Variants in TNR observed in about 807,000 individuals in gnomAD.
TNR encodes tenascin-R.
TNR carries 45 observed loss-of-function variants against 150.4 expected under a neutral mutation model. The observed-to-expected ratio is 0.30, with a 90% CI of 0.24 to 0.38. TNR has a LOEUF of 0.38. TNR is among the 10% of genes least tolerant of loss of function. The pLI, the probability that TNR is intolerant of heterozygous loss-of-function variation, is 1.00. For synonymous variants in TNR, 687 were observed against 678.4 expected (o/e 1.01, Z -0.20); for missense variants, 1,544 against 1,759.1 (o/e 0.88, Z 2.19).
At position 175,330,168 on chromosome 1, in the gene TNR, G is replaced by A. The variant is rs748419058; in HGVS notation, c.3699C>T (p.Gly1233=). 2 of 1,613,508 alleles carry A rather than the reference G, an allele frequency of 1.2e-6. No individual in the cohort carries two copies. The highest frequency in any genetic ancestry group is 1.7e-6 in the Non-Finnish European group (2 of 1,179,496). ...CGTAGGAGGCGAAGGCGGCCTCTTG[G>A]CCATCCCGCATGTCCACGCGCAGCT... The part of the protein sequence containing the change: ...RYELRVDMRD[G]QEAAFASYDR... The change falls in exon 21 of 23, where the codon GGC becomes GGT. Residue 1233 remains glycine, a synonymous_variant. Transcript: ENST00000367674.
intron 2 of TNR, among the ~76,000 whole-genome samples, chr1:175,516,527 C>T (rs145405841): frequency 3.3e-5 from 5 of 152,232 alleles, no homozygotes; most frequent in East Asian, 1.9e-4. Context: ...CTCATGATAT[C>T]GCTCCCTGAC....
intron 2 of TNR, among the ~76,000 whole-genome samples, chr1:175,438,449 T>C (rs571717532): frequency 6.6e-6 from 1 of 152,230 alleles, no homozygotes; most frequent in South Asian, 2.1e-4. Flanking sequence ...ACTGGGAGCA[T>C]TCCCTTTGAA....
rs371257453 is a variant in TNR at position 175,354,361 on chromosome 1, G to A, written c.3382+30C>T. On this transcript the variant is annotated intron_variant, in intron 18 of 22. Transcript: ENST00000367674. Reference sequence around the variant, plus strand: ...GAGCCAAACATCAGGAAGTGGAGAAGAAGGCATCAAAGTGGCCATGCTCCC... The same window carrying A: ...GAGCCAAACATCAGGAAGTGGAGAAAAAGGCATCAAAGTGGCCATGCTCCC... 8 of 1,609,718 alleles carry A rather than the reference G, an allele frequency of 5.0e-6. No homozygotes were observed. The African/African-American group carries it at 9.4e-5, about 19-fold the overall frequency.
intron 2 of TNR, among the ~76,000 whole-genome samples, chr1:175,488,766 G>C (rs1200095010): frequency 2.0e-5 from 3 of 152,212 alleles, no homozygotes; most frequent in African/African-American, 7.2e-5. Context: ...ACTGTGAAAA[G>C]CTCATATATC....
Position 175,323,523 on chromosome 1 carries a change from ACGCCCCACTTC to A in TNR, c.3958-58_3958-48del, listed in dbSNP as rs1371262075. ...ATGTCAGGTCATCCCCCACCATGGA[ACGCCCCACTTC>A]AAAAAAGGGGTAATTATGGGAACAG... On this transcript the variant is annotated intron_variant, in intron 22 of 22. Coordinates refer to ENST00000367674, the MANE Select transcript of TNR (RefSeq NM_003285.3). 12 of 1,599,230 alleles carry A rather than the reference ACGCCCCACTTC, an allele frequency of 7.5e-6. No individual in the cohort carries two copies. The Admixed American group carries it at 1.2e-4, about 16-fold the overall frequency.
chr1:175,741,252 G>T (rs913448081), intron 1 of TNR, among the ~76,000 whole-genome samples: 4 of 152,176 alleles, frequency 2.6e-5, no homozygotes, highest in Non-Finnish European at 5.9e-5. Context: ...TTCTGCTTTC[G>T]CTATCCTCTG....
At chr1:175,377,446 G>A (rs1373742178) in intron 9 of TNR, among the ~76,000 whole-genome samples, 1 of 142,230 alleles carries the variant, frequency 7.0e-6, no homozygotes, top group East Asian at 2.1e-4. Context: ...GTTCCCTCCT[G>A]TATCATTTCA....
chr1:175,375,084 G>A (rs903423839), intron 9 of TNR, among the ~76,000 whole-genome samples: 5 of 151,952 alleles, frequency 3.3e-5, no homozygotes, highest in African/African-American at 1.2e-4. Context: ...GATTTTTTTC[G>A]CTAAATTGCA....
At chr1:175,650,587 A>G (rs1249596019) in intron 1 of TNR, among the ~76,000 whole-genome samples, 1 of 151,124 alleles carries the variant, frequency 6.6e-6, no homozygotes, top group Non-Finnish European at 1.5e-5. Flanking sequence ...TTGCCCCCAC[A>G]AGATTACTAA....
intron 1 of TNR, among the ~76,000 whole-genome samples, chr1:175,658,624 C>G (rs1665267969): frequency 6.6e-6 from 1 of 152,182 alleles, no homozygotes; most frequent in Non-Finnish European, 1.5e-5. Flanking sequence ...AGCTAATGCT[C>G]ATGATCTGGC....
At chr1:175,394,305 A>C (rs1335235618) in intron 5 of TNR, among the ~76,000 whole-genome samples, 1 of 152,194 alleles carries the variant, frequency 6.6e-6, no homozygotes, top group Admixed American at 6.5e-5. Flanking sequence ...AGGTACTATG[A>C]TGGCTTCTAT....
intron 1 of TNR, among the ~76,000 whole-genome samples, chr1:175,628,331 T>C (rs1443509938): frequency 6.6e-6 from 1 of 152,062 alleles, no homozygotes; most frequent in Non-Finnish European, 1.5e-5. Flanking sequence ...GTGGCTTAGA[T>C]AGTACTTTGC....
At position 175,425,927 on chromosome 1, in the gene TNR, G is replaced by A. The variant is rs192913170; in HGVS notation, c.-63-19150C>T. 3.7e-4 allele frequency among the ~76,000 whole-genome samples: 56 copies of A among 152,206 alleles called. No individual in the cohort carries two copies. The South Asian group carries it at 4.8e-3, about 13-fold the overall frequency. Reference sequence around the variant, plus strand: ...TGGTGCCTATGGCCTTGCATCATTGGGATAAGGCCAGGATTACAGACCTGG... The same window carrying A: ...TGGTGCCTATGGCCTTGCATCATTGAGATAAGGCCAGGATTACAGACCTGG... On this transcript the variant is annotated intron_variant, in intron 2 of 22. Coordinates refer to ENST00000367674, the MANE Select transcript of TNR (RefSeq NM_003285.3).
Position 175,396,595 on chromosome 1 carries a change from C to A in TNR, c.1189G>T (p.Ala397Ser). 1 of 1,614,238 alleles carries A rather than the reference C, an allele frequency of 6.2e-7. No individual in the cohort carries two copies. The highest frequency in any genetic ancestry group is 8.5e-7 in the Non-Finnish European group (1 of 1,180,044). Residue 397 changes from alanine (A) to serine (S), a missense_variant, in exon 5 of 23, where the codon GCT becomes TCT. Ala to Ser is a moderately conservative substitution (Grantham distance 99). This residue lies in a region of TNR where 1,254 missense variants were observed against 1,329.4 expected (regional missense o/e 0.94). Coordinates refer to ENST00000367674, the MANE Select transcript of TNR (RefSeq NM_003285.3). ...PGLTYNISVY[A>S]VISNILSLPI... is the part of the protein sequence containing the mutation. ...AGGCTGAGGATGTTGCTAATGACAGCGTAGACGCTGATGTTGTAGGTGAGA... is the reference window on the plus strand; with the variant it reads ...AGGCTGAGGATGTTGCTAATGACAGAGTAGACGCTGATGTTGTAGGTGAGA...
At chr1:175,346,439 C>A (rs1650787157) in intron 18 of TNR, among the ~76,000 whole-genome samples, 1 of 151,854 alleles carries the variant, frequency 6.6e-6, no homozygotes, top group African/African-American at 2.4e-5. Context: ...CATATTGACA[C>A]ATTTAAGAAA....
intron 2 of TNR, among the ~76,000 whole-genome samples, 184 bp from the exon 3 acceptor site, chr1:175,406,961 C>T (rs1031904085): frequency 2.0e-5 from 3 of 152,204 alleles, no homozygotes; most frequent in African/African-American, 7.2e-5. Flanking sequence ...GACTGGACCC[C>T]TGAAAATGGA....
chr1:175,376,860 T>TATATATATATA (rs1553211469), intron 9 of TNR, among the ~76,000 whole-genome samples: 2,698 of 113,512 alleles, frequency 0.024, 41 homozygotes, highest in Middle Eastern at 0.061. Context: ...AAATGTAATA[T>TATATATATATA]TATATATATA....
intron 2 of TNR, among the ~76,000 whole-genome samples, chr1:175,419,968 C>G (rs970134742): frequency 1.3e-5 from 2 of 152,304 alleles, no homozygotes; most frequent in Middle Eastern, 3.4e-3. Flanking sequence ...CCCATTCTGC[C>G]GAAGGGGAGC....
chr1:175,429,146 C>T (rs1284795178), intron 2 of TNR, among the ~76,000 whole-genome samples: 1 of 152,114 alleles, frequency 6.6e-6, no homozygotes, highest in Non-Finnish European at 1.5e-5. Context: ...AAAAAAGTAT[C>T]TGTAAGGGGT....
Sources: gnomAD v4.1 joint callset for allele counts (sites outside exome capture counted in the v4.1 genomes callset) on GRCh38, gnomAD v4.1.1 for gene constraint, gnomAD v4.1.1 regional missense constraint, MANE v1.5 for transcripts, NCBI Gene and HGNC (gene_info 2026-07-23, HGNC 2026-07-21) for gene names.